The following AFG1L variants were observed in gnomAD, a reference collection of about 807,000 sequenced individuals.
The protein encoded by AFG1L is AFG1 like ATPase.
A neutral mutation model predicts 62.2 loss-of-function variants in AFG1L; 53 were observed. The observed-to-expected ratio is 0.85, with a 90% confidence interval of 0.68 to 1.07. The LOEUF (loss-of-function observed/expected upper bound fraction) is 1.07, where lower values mean the gene tolerates loss of function less well. Ranked by LOEUF, AFG1L falls within the 50% of genes least tolerant of loss-of-function variation. AFG1L has a pLI of 0.00. For synonymous variants in AFG1L, 228 were observed against 210.3 expected, an observed-to-expected ratio of 1.08 and a Z score of -0.73; for missense variants, 555 against 590.5, an observed-to-expected ratio of 0.94 and a Z score of 0.62.
chr6:108,518,691 A>T (rs1335593108), intron 11 of AFG1L, among the ~76,000 whole-genome samples: 1 of 152,246 alleles, frequency 6.6e-6, no homozygotes, highest in Non-Finnish European at 1.5e-5. Flanking sequence ...ACTAGTGGAT[A>T]TAAAAAATAT....
At chr6:108,354,742 T>A (rs1779202936) in intron 3 of AFG1L, among the ~76,000 whole-genome samples, 1 of 152,216 alleles carries the variant, frequency 6.6e-6, no homozygotes, top group African/African-American at 2.4e-5. Context: ...CTCTTCATGC[T>A]ACTCAGGATA....
At chr6:108,485,813 A>T (rs1773552487) in intron 10 of AFG1L, among the ~76,000 whole-genome samples, 1 of 149,410 alleles carries the variant, frequency 6.7e-6, no homozygotes, top group African/African-American at 2.5e-5. Context: ...CTGGGACTAC[A>T]GGCGTGCACC....
intron 7 of AFG1L, among the ~76,000 whole-genome samples, chr6:108,439,743 T>G (rs1261151929): frequency 6.6e-6 from 1 of 152,206 alleles, no homozygotes; most frequent in African/African-American, 2.4e-5. Flanking sequence ...GAGCAGCTTA[T>G]GTATTGAATT....
intron 11 of AFG1L, among the ~76,000 whole-genome samples, chr6:108,515,906 A>G (rs1414878645): frequency 2.0e-5 from 3 of 152,242 alleles, no homozygotes; most frequent in African/African-American, 7.2e-5. Flanking sequence ...TCTAGAAGAA[A>G]TGGATAAGTT....
intron 7 of AFG1L, among the ~76,000 whole-genome samples, chr6:108,427,080 C>A (rs1280334226): frequency 6.6e-6 from 1 of 151,954 alleles, no homozygotes; most frequent in African/African-American, 2.4e-5. Context: ...ATAATTCAAT[C>A]TCATTTTTAA....
rs1351457208 is a variant in AFG1L at position 108,415,769 on chromosome 6, T to C, written c.807+13715T>C. Among the ~76,000 whole-genome samples, 6 of 152,294 alleles carry C rather than the reference T, an allele frequency of 3.9e-5. No homozygotes were observed. The South Asian group carries it at 1.0e-3, about 26-fold the overall frequency. Reference sequence around the variant, plus strand: ...TCCTTACACCTTATACAACAATTAATTCAAGATGGATTAAAGACTTAAATG... The same window carrying C: ...TCCTTACACCTTATACAACAATTAACTCAAGATGGATTAAAGACTTAAATG... On this transcript the variant is annotated intron_variant, in intron 7 of 12. Transcript: ENST00000368977.
chr6:108,470,211 A>T (rs867997760), intron 8 of AFG1L, among the ~76,000 whole-genome samples: 20 of 152,184 alleles, frequency 1.3e-4, no homozygotes, highest in Middle Eastern at 6.3e-3. Context: ...CTCTTAGAGA[A>T]CACTTCCCTC....
At chr6:108,316,109 C>T (rs572725212) in intron 1 of AFG1L, among the ~76,000 whole-genome samples, 47 of 151,854 alleles carry the variant, frequency 3.1e-4, no homozygotes, top group Non-Finnish European at 4.1e-4. Flanking sequence ...TGGCCGGGCG[C>T]GGTGGCTGAC....
At chr6:108,447,674 T>C (rs1476384246) in intron 8 of AFG1L, among the ~76,000 whole-genome samples, 4 of 152,200 alleles carry the variant, frequency 2.6e-5, no homozygotes, top group Non-Finnish European at 5.9e-5. Flanking sequence ...GTTGTTTTAT[T>C]TGTCAATCTG....
intron 7 of AFG1L, among the ~76,000 whole-genome samples, chr6:108,427,613 C>G (rs1770881065): frequency 6.6e-6 from 1 of 151,262 alleles, no homozygotes; most frequent in Non-Finnish European, 1.5e-5. Context: ...ACTCTGCCTC[C>G]CGGACTCAAG....
chr6:108,325,039 A>G (rs1299760810), intron 2 of AFG1L, among the ~76,000 whole-genome samples: 3 of 152,172 alleles, frequency 2.0e-5, no homozygotes, highest in African/African-American at 7.2e-5. Context: ...CGTGCAGGCC[A>G]CAGGAAACAT....
intron 2 of AFG1L, among the ~76,000 whole-genome samples, chr6:108,338,778 G>T (rs1383433072): frequency 6.6e-6 from 1 of 152,154 alleles, no homozygotes; most frequent in Non-Finnish European, 1.5e-5. Context: ...TGCTTCATAG[G>T]AATTGTTTGA....
intron 8 of AFG1L, among the ~76,000 whole-genome samples, chr6:108,459,244 A>G (rs1562174480): frequency 6.6e-6 from 1 of 152,114 alleles, no homozygotes; most frequent in Non-Finnish European, 1.5e-5. Flanking sequence ...CTTTTTTTCC[A>G]GTATTATACC....
chr6:108,390,855 A>G (rs1166096032), intron 6 of AFG1L, among the ~76,000 whole-genome samples: 1 of 152,120 alleles, frequency 6.6e-6, no homozygotes, highest in African/African-American at 2.4e-5. Context: ...TCAAATCTCA[A>G]ACTCCATACT....
chr6:108,403,410 C>G (rs1435696906), intron 7 of AFG1L, among the ~76,000 whole-genome samples: 1 of 152,124 alleles, frequency 6.6e-6, no homozygotes, highest in Non-Finnish European at 1.5e-5. Flanking sequence ...TCGTGCCAAA[C>G]TTTATTCCCT....
rs1424528059 is a variant in AFG1L at position 108,399,174 on chromosome 6, G to GTT, written c.749-2820_749-2819dup. Among the ~76,000 whole-genome samples, 100 of 51,406 alleles carry GTT rather than the reference G, an allele frequency of 1.9e-3. 5 individuals carry two copies. The highest frequency in any genetic ancestry group is 6.8e-3 in the African/African-American group (81 of 11,948). The allele number at this position is 51,406 out of a possible 152,430, so 33.7% of individuals were successfully genotyped here. ...ATTGCAAAGATCTGTCACTTCTTTT[G>GTT]TTTGTTTTTTTTTTTTTTTTTTTTT... is the stretch of plus-strand genomic sequence containing the variant. On this transcript the variant is annotated intron_variant, in intron 6 of 12. Coordinates refer to ENST00000368977, the MANE Select transcript of AFG1L (RefSeq NM_145315.5).
chr6:108,355,591 A>G, intron 3 of AFG1L, 63 bp from the exon 4 acceptor site: 1 of 789,924 alleles, frequency 1.3e-6, no homozygotes, highest in Non-Finnish European at 1.9e-6. Flanking sequence ...GCTAATGAAC[A>G]ATCATTACAG....
intron 7 of AFG1L, among the ~76,000 whole-genome samples, chr6:108,408,125 CT>C (rs772126137): frequency 3.2e-3 from 432 of 132,968 alleles, no homozygotes; most frequent in Middle Eastern, 7.7e-3. Flanking sequence ...CTTTTTGAGG[CT>C]TTTTTTTTTT....
At chr6:108,448,464 A>G (rs1771908413) in intron 8 of AFG1L, among the ~76,000 whole-genome samples, 1 of 151,738 alleles carries the variant, frequency 6.6e-6, no homozygotes, top group Non-Finnish European at 1.5e-5. Context: ...TTCTTTTTTT[A>G]AAGGAGGTAA....
Sources: gnomAD v4.1 joint callset for allele counts (sites outside exome capture counted in the v4.1 genomes callset) on GRCh38, gnomAD v4.1.1 for gene constraint, MANE v1.5 for transcripts, NCBI Gene and HGNC (gene_info 2026-07-23, HGNC 2026-07-21) for gene names.